Variants in JTB observed in about 807,000 individuals in gnomAD.
The protein encoded by JTB is jumping translocation breakpoint.
JTB carries 10 observed loss-of-function variants against 22.1 expected under a neutral mutation model. That is an observed-to-expected ratio of 0.45 (90% confidence interval 0.28 to 0.77). JTB has a LOEUF of 0.77. JTB is among the 30% of genes least tolerant of loss of function. JTB has a pLI of 0.13. For missense variants in JTB, 137 were observed against 180.3 expected, an observed-to-expected ratio of 0.76 and a Z score of 1.38; for synonymous variants, 83 against 66.8, an observed-to-expected ratio of 1.24 and a Z score of -1.18.
At chr1:153,976,616 G>T in intron 3 of JTB, 77 bp downstream of exon 3, 2 of 1,205,698 alleles carry the variant, frequency 1.7e-6, no homozygotes, top group South Asian at 1.3e-5. Flanking sequence ...AGCTTAATAA[G>T]ACTTGGATGT....
At chr1:153,975,707 C>T (rs531561917) in intron 4 of JTB, 119 bp downstream of exon 4, 52 of 796,280 alleles carry the variant, frequency 6.5e-5, no homozygotes, top group South Asian at 4.3e-4. Flanking sequence ...GGTGTGAGCC[C>T]GGCCCCCTCT....
chr1:153,976,245 C>T (rs149992482), intron 3 of JTB, among the ~76,000 whole-genome samples: 7 of 152,278 alleles, frequency 4.6e-5, no homozygotes, highest in African/African-American at 1.4e-4. Context: ...GGGCAGATCA[C>T]GAGGTAAGGA....
chr1:153,974,914 G>C (rs1169371575), intron 4 of JTB, 79 bp from the exon 5 acceptor site: 1 of 1,443,210 alleles, frequency 6.9e-7, no homozygotes, highest in Non-Finnish European at 9.5e-7. Flanking sequence ...CTTCAGCCTA[G>C]CCAGGATACA....
At position 153,974,561 on chromosome 1, in the gene JTB, T is replaced by C. The variant is rs995334429; in HGVS notation, c.*118A>G. The C allele has an allele frequency of 1.0e-5, 8 of 795,108 alleles. No individual in the cohort carries two copies. Among genetic ancestry groups the C allele is most frequent in the Non-Finnish European group, 1.6e-5 (8 of 497,292 alleles). 49.3% of individuals were successfully genotyped at this position (795,108 alleles called of 1,614,324 possible). On this transcript the variant is annotated 3_prime_UTR_variant, in exon 5 of 5. Coordinates refer to ENST00000271843, the MANE Select transcript of JTB (RefSeq NM_006694.4). Reference sequence around the variant, plus strand: ...TCATTAATGATCTGAAAGAAGAAGATGGGGAAAAGGGGATTCCACCACAAG... The same window carrying C: ...TCATTAATGATCTGAAAGAAGAAGACGGGGAAAAGGGGATTCCACCACAAG...
chr1:153,975,698 G>A (rs1648769735), intron 4 of JTB, 128 bp downstream of exon 4: 1 of 742,908 alleles, frequency 1.3e-6, no homozygotes, highest in African/African-American at 1.8e-5. Flanking sequence ...GGGATTATAG[G>A]TGTGAGCCCG....
chr1:153,977,595 C>T lies in JTB; in HGVS notation c.-343G>A. On this transcript the variant is annotated 5_prime_UTR_variant, in exon 1 of 5. Coordinates refer to ENST00000271843, the MANE Select transcript of JTB (RefSeq NM_006694.4). ...TCTAGCCCCGTGGAGGATCCTCGGG[C>T]GCGGGACCGAGCTCGGGGCCCGGTG... 1 of 1,031,048 alleles carries T rather than the reference C, an allele frequency of 9.7e-7. No homozygotes were observed. Among genetic ancestry groups the T allele is most frequent in the Non-Finnish European group, 1.2e-6 (1 of 858,544 alleles). The allele number at this position is 1,031,048 out of a possible 1,614,324, so 63.9% of individuals were successfully genotyped here. A position where few individuals can be genotyped will look rare whatever the true frequency, so the allele number is the denominator to read the frequency against.
Position 153,974,498 on chromosome 1 carries a change from C to G in JTB, c.*181G>C, listed in dbSNP as rs753615344. The G allele has an allele frequency of 3.9e-6, 2 of 506,938 alleles. No individual in the cohort carries two copies. Among genetic ancestry groups the G allele is most frequent in the Non-Finnish European group, 6.8e-6 (2 of 295,302 alleles). The allele number at this position is 506,938 out of a possible 1,614,324, so 31.4% of individuals were successfully genotyped here. ...CCCCATGACTTCCTGCTCCAAGTTACAGAAGGGAAGGAAACCATTTTACTC... is the reference window on the plus strand; with the variant it reads ...CCCCATGACTTCCTGCTCCAAGTTAGAGAAGGGAAGGAAACCATTTTACTC... On this transcript the variant is annotated 3_prime_UTR_variant, in exon 5 of 5. Transcript: ENST00000271843.
At chr1:153,975,775 A>G in intron 4 of JTB, 51 bp downstream of exon 4, 1 of 1,434,160 alleles carries the variant, frequency 7.0e-7, no homozygotes, top group Non-Finnish European at 9.8e-7. Context: ...CCATCCATCT[A>G]AAGTCATAGG....
Position 153,976,728 on chromosome 1 carries a change from C to T in JTB, c.169G>A (p.Ala57Thr). ...PCWLVEEFVV[A>T]EECSPCSNFR... ...TTAGAGCATGGAGAGCACTCTTCTG[C>T]TACCACAAACTCTTCCACCAGCCAG... Residue 57 changes from alanine (A) to threonine (T), a missense_variant, in exon 3 of 5, where the codon GCA (alanine) becomes ACA (threonine). By Grantham distance (58) the Ala-to-Thr change is moderately conservative. Transcript: ENST00000271843. The T allele has an allele frequency of 6.2e-7, 1 of 1,614,082 alleles. No homozygotes were observed. Among genetic ancestry groups the T allele is most frequent in the South Asian group, 1.1e-5 (1 of 91,080 alleles).
chr1:153,977,516 G>A lies in JTB; in HGVS notation c.-264C>T, dbSNP rs923657365. On this transcript the variant is annotated 5_prime_UTR_variant, in exon 1 of 5. Transcript: ENST00000271843. ...CAGGGCGCTGGAGGAAGGGCCGGCGGGGGCTCGCGGCCCTAGCGCCCGCTC... is the reference window on the plus strand; with the variant it reads ...CAGGGCGCTGGAGGAAGGGCCGGCGAGGGCTCGCGGCCCTAGCGCCCGCTC... 1 of 1,185,270 alleles carries A rather than the reference G, an allele frequency of 8.4e-7. No individual in the cohort carries two copies. The highest frequency in any genetic ancestry group is 1.0e-6 in the Non-Finnish European group (1 of 952,718). The allele number at this position is 1,185,270 out of a possible 1,614,324, so 73.4% of individuals were successfully genotyped here.
At chr1:153,976,022 G>A (rs1028214109) in intron 3 of JTB, 117 bp from the exon 4 acceptor site, 2 of 699,614 alleles carry the variant, frequency 2.9e-6, no homozygotes, top group African/African-American at 3.6e-5. Context: ...GTAGGCAACA[G>A]AGAGCTAATG....
At position 153,975,887 on chromosome 1, in the gene JTB, C is replaced by T. The variant is rs146392390; in HGVS notation, c.223G>A (p.Gly75Ser). The stretch of plus-strand genomic sequence containing the variant: ...ATTTTCTCTACATATCCTGTGGGAC[C>T]ACACTCAGGGGTAGTTTTCTGCCAG... The part of the protein sequence containing the change: ...NFRAKTTPEC[G>S]PTGYVEKITC... Residue 75 changes from glycine to serine, a missense_variant, in exon 4 of 5, where the codon GGT becomes AGT. By Grantham distance (56) the Gly-to-Ser change is moderately conservative. Transcript: ENST00000271843. The T allele has an allele frequency of 1.6e-4, 251 of 1,613,814 alleles. No homozygotes were observed. The African/African-American group carries it at 2.9e-3, about 19-fold the overall frequency.
intron 4 of JTB, 130 bp from the exon 5 acceptor site, chr1:153,974,965 G>A: frequency 1.2e-6 from 1 of 819,434 alleles, no homozygotes. Context: ...TGTGTGTATA[G>A]TACATAAATC....
chr1:153,974,684 T>G lies in JTB; in HGVS notation c.436A>C (p.Ile146Leu). The G allele has an allele frequency of 6.2e-7, 1 of 1,612,226 alleles. No individual in the cohort carries two copies. The highest frequency in any genetic ancestry group is 1.1e-5 in the South Asian group (1 of 91,060). Residue 146 changes from isoleucine (I) to leucine (L), a missense_variant, in exon 5 of 5, where the codon ATA (isoleucine) becomes CTA (leucine). By Grantham distance (5) the Ile-to-Leu change is conservative. Transcript: ENST00000271843. ...GATACAAGGGTGGAATGTAGCTATA[T>G]GGACTCGATTTGCTTCCGGACCTTT... ...LEKVRKQIESI is the reference protein window; with the variant it reads ...LEKVRKQIESL
At chr1:153,975,740 C>A in intron 4 of JTB, 86 bp downstream of exon 4, 8 of 1,072,544 alleles carry the variant, frequency 7.5e-6, no homozygotes, top group Non-Finnish European at 1.1e-5. Flanking sequence ...TCCATGCTAC[C>A]CCCAGACCAG....
Position 153,977,282 on chromosome 1 carries a change from A to G in JTB, c.-30T>C. Reference sequence around the variant, plus strand: ...CGCCAAGTGTCGCACCTGTCGGAACAGAGGGACCTACTCCACAGGCCTCGT... The same window carrying G: ...CGCCAAGTGTCGCACCTGTCGGAACGGAGGGACCTACTCCACAGGCCTCGT... On this transcript the variant is annotated 5_prime_UTR_variant, in exon 1 of 5. Transcript: ENST00000271843. 6.2e-7 allele frequency: 1 copy of G among 1,612,354 alleles called. No individual in the cohort carries two copies. The highest frequency in any genetic ancestry group is 8.5e-7 in the Non-Finnish European group (1 of 1,179,348).
In JTB at chr1:153,977,626, G is replaced by A; in HGVS notation, c.-374C>T. The stretch of plus-strand genomic sequence containing the variant: ...ACCGAGCTCGGGGCCCGGTGTTCCC[G>A]GGGGCGTTCGGTCGTCGCCCGCTGG... On this transcript the variant is annotated 5_prime_UTR_variant, in exon 1 of 5. Coordinates refer to ENST00000271843, the MANE Select transcript of JTB (RefSeq NM_006694.4). 2 of 1,013,426 alleles carry A rather than the reference G, an allele frequency of 2.0e-6. No homozygotes were observed. The highest frequency in any genetic ancestry group is 2.4e-6 in the Non-Finnish European group (2 of 847,572). 62.8% of individuals were successfully genotyped at this position (1,013,426 alleles called of 1,614,324 possible). A position where few individuals can be genotyped will look rare whatever the true frequency, so the allele number is the denominator to read the frequency against.
In JTB at chr1:153,977,445, A is replaced by G. The variant is rs536966099; in HGVS notation, c.-193T>C. On this transcript the variant is annotated 5_prime_UTR_variant, in exon 1 of 5. Transcript: ENST00000271843. Reference sequence around the variant, plus strand: ...CCCGTTGCCACAGCGAGAAAAATCGATATGTTTTTGCGGGCTAGGGAGGCG... The same window carrying G: ...CCCGTTGCCACAGCGAGAAAAATCGGTATGTTTTTGCGGGCTAGGGAGGCG... 146 of 1,366,430 alleles carry G rather than the reference A, an allele frequency of 1.1e-4. 1 individual carries two copies. The Middle Eastern group carries it at 1.9e-3, about 18-fold the overall frequency. The allele number at this position is 1,366,430 out of a possible 1,614,324, so 84.6% of individuals were successfully genotyped here.
chr1:153,975,511 C>A (rs1337576596), intron 4 of JTB, among the ~76,000 whole-genome samples: 1 of 151,226 alleles, frequency 6.6e-6, no homozygotes, highest in African/African-American at 2.4e-5. Context: ...TAACCTCTGC[C>A]TCCTGGGTTC....
Sources: gnomAD v4.1 joint callset for allele counts (sites outside exome capture counted in the v4.1 genomes callset) on GRCh38, gnomAD v4.1.1 for gene constraint, MANE v1.5 for transcripts, NCBI Gene and HGNC (gene_info 2026-07-23, HGNC 2026-07-21) for gene names.